ITPR2: variants seen among roughly 807,000 people sequenced by gnomAD.
ITPR2 encodes inositol 1,4,5-trisphosphate-gated calcium channel ITPR2.
A neutral mutation model predicts 317.1 loss-of-function variants in ITPR2; 207 were observed. The ratio of observed to expected loss-of-function variants is 0.65; its 90% CI spans 0.58 to 0.73. The LOEUF (loss-of-function observed/expected upper bound fraction) is 0.73, where lower values mean the gene tolerates loss of function less well. Ranked by LOEUF, ITPR2 falls within the 30% of genes least tolerant of loss-of-function variation. The probability of loss-of-function intolerance (pLI) is 0.00; values close to 1 mark genes in which losing one functional copy is unlikely to be tolerated. For synonymous variants in ITPR2, 1,156 were observed against 1,149.1 expected, an observed-to-expected ratio of 1.01 and a Z score of -0.12; for missense variants, 2,613 against 3,284.0, an observed-to-expected ratio of 0.80 and a Z score of 4.99.
At chr12:26,826,456 AC>A (rs909861330) in intron 1 of ITPR2, among the ~76,000 whole-genome samples, 40 of 151,976 alleles carry the variant, frequency 2.6e-4, no homozygotes, top group African/African-American at 9.4e-4. Flanking sequence ...AAACTGTGTG[AC>A]CCCCTCCCTA....
At chr12:26,823,035 T>C (rs1463858937) in intron 1 of ITPR2, among the ~76,000 whole-genome samples, 2 of 152,116 alleles carry the variant, frequency 1.3e-5, no homozygotes, top group African/African-American at 2.4e-5. Flanking sequence ...AATATTCTAA[T>C]GATCCTTCCA....
intron 26 of ITPR2, among the ~76,000 whole-genome samples, chr12:26,608,942 G>C (rs1946201501): frequency 6.6e-6 from 1 of 152,110 alleles, no homozygotes; most frequent in Non-Finnish European, 1.5e-5. Flanking sequence ...AATGGCATTT[G>C]GTCAACAGAA....
intron 2 of ITPR2, among the ~76,000 whole-genome samples, chr12:26,771,756 G>A (rs541579517): frequency 2.0e-4 from 30 of 152,116 alleles, no homozygotes; most frequent in African/African-American, 6.0e-4. Context: ...CTCGTGATCC[G>A]CCCATCTTGG....
chr12:26,430,992 G>A (rs1050392318), intron 48 of ITPR2, among the ~76,000 whole-genome samples: 5 of 152,102 alleles, frequency 3.3e-5, no homozygotes, highest in African/African-American at 1.2e-4. Flanking sequence ...TTACTATTGT[G>A]CCTTATTCAT....
intron 21 of ITPR2, among the ~76,000 whole-genome samples, chr12:26,646,323 C>T (rs1320272636): frequency 6.6e-6 from 1 of 151,862 alleles, no homozygotes; most frequent in African/African-American, 2.4e-5. Context: ...ACCCATAAAG[C>T]AATATTTAAA....
chr12:26,603,258 G>A (rs963389643), intron 26 of ITPR2, among the ~76,000 whole-genome samples: 1 of 151,854 alleles, frequency 6.6e-6, no homozygotes, highest in Non-Finnish European at 1.5e-5. Context: ...AAAATGAAGA[G>A]AGAAAAATAA....
intron 45 of ITPR2, among the ~76,000 whole-genome samples, chr12:26,464,904 G>T (rs1429460349): frequency 2.0e-5 from 3 of 152,198 alleles, no homozygotes; most frequent in Non-Finnish European, 4.4e-5. Flanking sequence ...CACAGGGTGG[G>T]AGGACCAAGA....
intron 21 of ITPR2, among the ~76,000 whole-genome samples, chr12:26,633,564 T>G (rs904451646): frequency 2.0e-5 from 3 of 152,200 alleles, no homozygotes; most frequent in South Asian, 2.1e-4. Flanking sequence ...CGGACAAAAT[T>G]GAGGCAAAAG....
chr12:26,674,902 T>C lies in ITPR2; in HGVS notation c.1409+6972A>G, dbSNP rs1417706311. ...GTGGGCAAAGGACATGAATAGACAC[T>C]TCTCAAAAGAAGACATTTATGCAGC... On this transcript the variant is annotated intron_variant, in intron 13 of 56. Coordinates refer to ENST00000381340, the MANE Select transcript of ITPR2 (RefSeq NM_002223.4). 4.0e-5 allele frequency among the ~76,000 whole-genome samples: 6 copies of C among 151,650 alleles called. No homozygotes were observed. The East Asian group carries it at 9.8e-4, about 25-fold the overall frequency.
intron 49 of ITPR2, chr12:26,419,805 G>C (rs1046317986): frequency 2.0e-5 from 3 of 151,944 alleles, no homozygotes; most frequent in African/African-American, 7.2e-5. Flanking sequence ...TCTTGATTTT[G>C]TGTTTTTATC....
chr12:26,340,397 T>G, intron 55 of ITPR2, 69 bp from the exon 56 acceptor site: 1 of 1,418,154 alleles, frequency 7.1e-7, no homozygotes, highest in Non-Finnish European at 9.4e-7. Flanking sequence ...TAGCTGTTTA[T>G]TATTACTAAC....
At chr12:26,521,731 C>T (rs1373263303) in intron 37 of ITPR2, among the ~76,000 whole-genome samples, 4 of 152,114 alleles carry the variant, frequency 2.6e-5, no homozygotes, top group Non-Finnish European at 5.9e-5. Flanking sequence ...CTTTTAAAGA[C>T]GCAGATAGGA....
chr12:26,380,083 C>A (rs1015958989), intron 55 of ITPR2, among the ~76,000 whole-genome samples: 2 of 152,164 alleles, frequency 1.3e-5, no homozygotes, highest in African/African-American at 4.8e-5. Context: ...CCATGAAAAT[C>A]ATTTAAACAC....
At chr12:26,661,813 A>T (rs1221920187) in intron 15 of ITPR2, among the ~76,000 whole-genome samples, 1 of 152,118 alleles carries the variant, frequency 6.6e-6, no homozygotes, top group African/African-American at 2.4e-5. Flanking sequence ...CTAAAAACTC[A>T]GGGTCCGATA....
At chr12:26,713,489 A>C (rs1948685658) in intron 8 of ITPR2, among the ~76,000 whole-genome samples, 1 of 152,228 alleles carries the variant, frequency 6.6e-6, no homozygotes, top group Admixed American at 6.5e-5. Context: ...GGGACGTTTA[A>C]ATGAAGTAAA....
chr12:26,832,822 G>T lies in ITPR2; in HGVS notation c.-41C>A. 1 of 1,488,094 alleles carries T rather than the reference G, an allele frequency of 6.7e-7. No homozygotes were observed. The highest frequency in any genetic ancestry group is 1.2e-5 in the South Asian group (1 of 86,594). 92.2% of individuals were successfully genotyped at this position (1,488,094 alleles called of 1,614,324 possible). A position where few individuals can be genotyped will look rare whatever the true frequency, so the allele number is the denominator to read the frequency against. On this transcript the variant is annotated 5_prime_UTR_variant, in exon 1 of 57. Coordinates refer to ENST00000381340, the MANE Select transcript of ITPR2 (RefSeq NM_002223.4). ...ACAGTGGACGTCCCTCTTCTTCCCT[G>T]CGCCCTCGCCGCCCTCTCTCCAGGG...
chr12:26,709,346 G>A (rs1192907323), intron 9 of ITPR2, among the ~76,000 whole-genome samples: 1 of 152,104 alleles, frequency 6.6e-6, no homozygotes, highest in South Asian at 2.1e-4. Flanking sequence ...TCAAAGAAAA[G>A]GTCCTCTAAA....
At chr12:26,556,527 T>A in intron 35 of ITPR2, 152 bp from the exon 36 acceptor site, 1 of 751,132 alleles carries the variant, frequency 1.3e-6, no homozygotes, top group Non-Finnish European at 2.1e-6. Flanking sequence ...TATAGTCTGG[T>A]TTTATGTAAG....
intron 2 of ITPR2, among the ~76,000 whole-genome samples, chr12:26,769,416 A>G (rs1052895287): frequency 1.3e-5 from 2 of 152,120 alleles, no homozygotes; most frequent in African/African-American, 4.8e-5. Context: ...CACTCACTAA[A>G]TCAACACCTG....
Sources: allele counts gnomAD v4.1 joint callset (sites outside exome capture counted in the v4.1 genomes callset), GRCh38; gene constraint gnomAD v4.1.1; transcripts MANE v1.5; gene names NCBI Gene and HGNC (gene_info 2026-07-23, HGNC 2026-07-21).